The following STPG2 variants were observed in gnomAD, a reference collection of about 807,000 sequenced individuals.
STPG2 encodes sperm tail PG-rich repeat containing 2.
In STPG2, 56 loss-of-function variants were observed where a neutral mutation model predicts 54.2. The observed-to-expected ratio is 1.03, with a 90% CI of 0.83 to 1.29. The LOEUF is 1.29. Among genes scored for constraint, STPG2 ranks in the 50% most tolerant of loss-of-function variants. STPG2 has a pLI of 0.00. For missense variants in STPG2, 596 were observed against 544.9 expected (o/e 1.09, Z -0.93); for synonymous variants, 200 against 181.8 (o/e 1.10, Z -0.81).
intron 4 of STPG2, among the ~76,000 whole-genome samples, chr4:97,470,079 G>C (rs1345101359): frequency 6.6e-6 from 1 of 152,114 alleles, no homozygotes; most frequent in Non-Finnish European, 1.5e-5. Context: ...TATGATTGTA[G>C]ATGGTTTATG....
chr4:97,801,276 C>T (rs1010993709), intron 9 of STPG2, among the ~76,000 whole-genome samples: 3 of 152,154 alleles, frequency 2.0e-5, no homozygotes, highest in African/African-American at 4.8e-5. Flanking sequence ...GCGTTGCTCA[C>T]GCTGGGAGCT....
At chr4:97,838,025 C>A (rs76765463) in intron 9 of STPG2, among the ~76,000 whole-genome samples, 1,916 of 151,598 alleles carry the variant, frequency 0.013, 42 homozygotes, top group African/African-American at 0.044. Flanking sequence ...CTAGTAATGT[C>A]ATGACCCAAG....
chr4:97,679,146 T>C (rs1310843722), intron 10 of STPG2, among the ~76,000 whole-genome samples: 2 of 152,158 alleles, frequency 1.3e-5, no homozygotes, highest in Admixed American at 1.3e-4. Flanking sequence ...TACCCAGTAA[T>C]GGGATGTCCG....
chr4:97,916,453 T>C (rs1731880282), intron 8 of STPG2: 1 of 152,674 alleles, frequency 6.5e-6, no homozygotes, highest in Admixed American at 6.5e-5. Flanking sequence ...AACATATGGT[T>C]GGATGCGCCC....
At chr4:97,673,693 G>A (rs1399472874) in intron 10 of STPG2, among the ~76,000 whole-genome samples, 2 of 150,598 alleles carry the variant, frequency 1.3e-5, no homozygotes, top group African/African-American at 4.9e-5. Context: ...TTCCTGCATT[G>A]GCAATGTCCC....
In STPG2 at chr4:97,880,902, T is replaced by C. The variant is rs190698051; in HGVS notation, c.1045-39970A>G. Among the ~76,000 whole-genome samples, 640 of 152,206 alleles carry C rather than the reference T, an allele frequency of 4.2e-3. 3 individuals carry two copies. Among genetic ancestry groups the C allele is most frequent in the South Asian group, 0.024 (116 of 4,826 alleles). On this transcript the variant is annotated intron_variant, in intron 8 of 10. Coordinates refer to ENST00000295268, the MANE Select transcript of STPG2 (RefSeq NM_174952.3). ...ATTTTTGTTAACATAATTTTAATATTTGAGAGCTTCAAATATTCTTTGTTA... is the reference window on the plus strand; with the variant it reads ...ATTTTTGTTAACATAATTTTAATATCTGAGAGCTTCAAATATTCTTTGTTA...
chr4:97,879,434 C>T (rs1247789505), intron 8 of STPG2, among the ~76,000 whole-genome samples: 1 of 152,102 alleles, frequency 6.6e-6, no homozygotes, highest in Non-Finnish European at 1.5e-5. Flanking sequence ...GGGGAGGCCT[C>T]ACAATCATGC....
intron 10 of STPG2, among the ~76,000 whole-genome samples, chr4:97,666,765 TAA>T (rs2148966027): frequency 6.6e-6 from 1 of 152,326 alleles, no homozygotes; most frequent in African/African-American, 2.4e-5. Context: ...GGCTAAAGTT[TAA>T]AGAGGTTAAC....
chr4:97,648,722 T>C (rs1342639091), intron 10 of STPG2, among the ~76,000 whole-genome samples: 3 of 152,168 alleles, frequency 2.0e-5, no homozygotes, highest in South Asian at 2.1e-4. Context: ...CTTCCTTATA[T>C]GCTGTTGACA....
At chr4:97,667,005 T>A (rs2148966203) in intron 10 of STPG2, among the ~76,000 whole-genome samples, 1 of 152,268 alleles carries the variant, frequency 6.6e-6, no homozygotes, top group Admixed American at 6.5e-5. Context: ...ACCACCATCA[T>A]CACTACCACC....
At position 98,104,133 on chromosome 4, in the gene STPG2, C is replaced by T. The variant is rs192132880; in HGVS notation, c.612+1820G>A. ...GCTTGCCTATACAAACACATGCAAA[C>T]ATGCACAATCAGTGTCAGCATTTAG... On this transcript the variant is annotated intron_variant, in intron 5 of 10. Coordinates refer to ENST00000295268, the MANE Select transcript of STPG2 (RefSeq NM_174952.3). Among the ~76,000 whole-genome samples the T allele has an allele frequency of 2.6e-5, 4 of 152,184 alleles. No homozygotes were observed. The East Asian group carries it at 7.7e-4, about 29-fold the overall frequency.
chr4:97,881,977 G>A (rs755021469), intron 8 of STPG2, among the ~76,000 whole-genome samples: 1 of 151,984 alleles, frequency 6.6e-6, no homozygotes, highest in African/African-American at 2.4e-5. Context: ...ACCTATAAAA[G>A]AGCAATAAAT....
downstream of STPG2, among the ~76,000 whole-genome samples, chr4:97,555,140 T>C (rs1732048399): frequency 6.6e-6 from 1 of 152,200 alleles, no homozygotes; most frequent in Admixed American, 6.5e-5. Flanking sequence ...ATGGTGCTTT[T>C]CTGGCATGCT....
chr4:97,747,337 C>G (rs758735731), intron 9 of STPG2, among the ~76,000 whole-genome samples: 2 of 151,508 alleles, frequency 1.3e-5, no homozygotes, highest in East Asian at 1.9e-4. Flanking sequence ...TCTCTCAGGT[C>G]TCACAATTAT....
At chr4:97,674,830 T>C (rs1317196615) in intron 10 of STPG2, among the ~76,000 whole-genome samples, 1 of 152,152 alleles carries the variant, frequency 6.6e-6, no homozygotes, top group Non-Finnish European at 1.5e-5. Context: ...TCTCACCATA[T>C]TAATAATTAT....
chr4:97,967,716 C>T (rs1235236429), intron 7 of STPG2, among the ~76,000 whole-genome samples: 6 of 152,068 alleles, frequency 3.9e-5, no homozygotes, highest in African/African-American at 9.7e-5. Flanking sequence ...CACTCAAAAC[C>T]GCACAATTAC....
intron 4 of STPG2, among the ~76,000 whole-genome samples, chr4:97,446,379 C>T (rs979507054): frequency 1.3e-5 from 2 of 152,196 alleles, no homozygotes; most frequent in Non-Finnish European, 2.9e-5. Flanking sequence ...GCCATAAACA[C>T]AACCAGTTTC....
chr4:97,972,519 AG>A (rs1734367066), intron 6 of STPG2, 79 bp from the exon 7 acceptor site: 1 of 847,752 alleles, frequency 1.2e-6, no homozygotes, highest in Non-Finnish European at 1.7e-6. Flanking sequence ...TTTTTAATTA[AG>A]GGTTTTTTTC....
At chr4:97,598,221 T>C (rs1235130185) in intron 10 of STPG2, among the ~76,000 whole-genome samples, 1 of 151,904 alleles carries the variant, frequency 6.6e-6, no homozygotes, top group Non-Finnish European at 1.5e-5. Flanking sequence ...AAAAGACTGC[T>C]AAAAGAAATC....
Sources: gnomAD v4.1 joint callset for allele counts (sites outside exome capture counted in the v4.1 genomes callset) on GRCh38, gnomAD v4.1.1 for gene constraint, MANE v1.5 for transcripts, NCBI Gene and HGNC (gene_info 2026-07-23, HGNC 2026-07-21) for gene names.